ZFYVE28: variants seen among roughly 807,000 people sequenced by gnomAD.
The protein encoded by ZFYVE28 is lateral signaling target protein 2 homolog.
Under a neutral mutation model 82.1 loss-of-function variants are expected in ZFYVE28, and 40 were observed. The ratio of observed to expected loss-of-function variants is 0.49; its 90% CI spans 0.38 to 0.63. The LOEUF is 0.63. Ranked by LOEUF, ZFYVE28 falls within the 30% of genes least tolerant of loss-of-function variation. The pLI is 0.00. For synonymous variants in ZFYVE28, 612 were observed against 546.1 expected, an observed-to-expected ratio of 1.12 and a Z score of -1.68; for missense variants, 1,321 against 1,242.1, an observed-to-expected ratio of 1.06 and a Z score of -0.96.
At chr4:2,377,248 C>A (rs1578313323) in intron 1 of ZFYVE28, among the ~76,000 whole-genome samples, 1 of 152,156 alleles carries the variant, frequency 6.6e-6, no homozygotes, top group Non-Finnish European at 1.5e-5. Context: ...GTCTCGATCT[C>A]CTGACCTTGT....
chr4:2,295,389 T>G (rs1189508606), intron 8 of ZFYVE28, among the ~76,000 whole-genome samples: 2 of 151,998 alleles, frequency 1.3e-5, no homozygotes, highest in African/African-American at 2.4e-5. Flanking sequence ...CAGGCTGGTC[T>G]CAAACTCCTG....
chr4:2,412,209 C>T (rs534094247), intron 1 of ZFYVE28, among the ~76,000 whole-genome samples: 92 of 152,322 alleles, frequency 6.0e-4, no homozygotes, highest in Non-Finnish European at 1.0e-3. Flanking sequence ...CCCACTGAGA[C>T]GCTTTCACTC....
intron 6 of ZFYVE28, among the ~76,000 whole-genome samples, chr4:2,334,399 C>T (rs957087164): frequency 1.3e-5 from 2 of 152,046 alleles, no homozygotes; most frequent in Admixed American, 1.3e-4. Context: ...GGGTTAAGCA[C>T]TTCTGTCCCC....
At position 2,417,540 on chromosome 4, in the gene ZFYVE28, C is replaced by A. The variant is rs967638326; in HGVS notation, c.39+745G>T. On this transcript the variant is annotated intron_variant, in intron 1 of 12. Coordinates refer to ENST00000290974, the MANE Select transcript of ZFYVE28 (RefSeq NM_020972.3). The surrounding 1 kb of genome is among the most constrained non-coding windows in gnomAD (Gnocchi z 4.8). ...CCCGCCCCGCCGAGGCTGCTGGCCA[C>A]GGGCGCGCTCGCCCCAAGGGCCGGG... is the stretch of plus-strand genomic sequence containing the variant. 2.6e-4 allele frequency among the ~76,000 whole-genome samples: 40 copies of A among 151,824 alleles called. No individual in the cohort carries two copies. Among genetic ancestry groups the A allele is most frequent in the Non-Finnish European group, 4.9e-4 (33 of 67,910 alleles).
intron 9 of ZFYVE28, 42 bp from the exon 10 acceptor site, chr4:2,273,331 T>C (rs1736087920): frequency 6.4e-7 from 1 of 1,562,186 alleles, no homozygotes; most frequent in African/African-American, 1.3e-5. Context: ...GAAGGACGGA[T>C]GGAAGGAACT....
chr4:2,364,894 G>C, intron 1 of ZFYVE28: 1 of 985,584 alleles, frequency 1.0e-6, no homozygotes, highest in South Asian at 4.7e-5. Context: ...GACCCCGGAA[G>C]AGGCGGCGCG....
chr4:2,372,541 C>A lies in ZFYVE28; in HGVS notation c.40-18468G>T, dbSNP rs1477811017. On this transcript the variant is annotated intron_variant, in intron 1 of 12. Coordinates refer to ENST00000290974, the MANE Select transcript of ZFYVE28 (RefSeq NM_020972.3). This position sits in a 1 kb window ranked among gnomAD's most constrained non-coding sequence, Gnocchi z 5.2. ...AGCCCCTCCAGCACGGCACCATGCC[C>A]TATCACCCCATCATGTGGGAGGGGT... 6.6e-6 allele frequency among the ~76,000 whole-genome samples: 1 copy of A among 152,026 alleles called. No individual in the cohort carries two copies. Among genetic ancestry groups the A allele is most frequent in the East Asian group, 1.9e-4 (1 of 5,158 alleles).
intron 1 of ZFYVE28, among the ~76,000 whole-genome samples, chr4:2,383,497 T>C (rs944414400): frequency 2.6e-4 from 39 of 152,360 alleles, no homozygotes; most frequent in African/African-American, 8.9e-4. Context: ...GTCTCAGGTA[T>C]GTCTTTATCA....
intron 2 of ZFYVE28, among the ~76,000 whole-genome samples, chr4:2,342,176 T>C (rs1456910250): frequency 1.3e-5 from 2 of 152,234 alleles, no homozygotes; most frequent in Non-Finnish European, 2.9e-5. Flanking sequence ...AGCTGGGGCC[T>C]GCTCCTCCAT....
chr4:2,318,202 C>G (rs1718509274), intron 7 of ZFYVE28, among the ~76,000 whole-genome samples: 2 of 152,222 alleles, frequency 1.3e-5, no homozygotes, highest in South Asian at 4.1e-4. Flanking sequence ...CCTCCAAAGG[C>G]TCCCTTCCCC....
rs946886639 is a variant in ZFYVE28, at chr4:2,362,805, C to T, written c.40-8732G>A. Among the ~76,000 whole-genome samples, 3 of 152,136 alleles carry T rather than the reference C, an allele frequency of 2.0e-5. No homozygotes were observed. The highest frequency in any genetic ancestry group is 7.2e-5 in the African/African-American group (3 of 41,454). ...CCCTTTCTCTGCCCTCCTCTGGGGTCAGGGAGCTGCAGTGGGCACGCTGGG... is the reference window on the plus strand; with the variant it reads ...CCCTTTCTCTGCCCTCCTCTGGGGTTAGGGAGCTGCAGTGGGCACGCTGGG... On this transcript the variant is annotated intron_variant, in intron 1 of 12. Transcript: ENST00000290974. The surrounding 1 kb of genome is among the most constrained non-coding windows in gnomAD (Gnocchi z 5.1).
chr4:2,400,978 C>T (rs1002433784), intron 1 of ZFYVE28, among the ~76,000 whole-genome samples: 1 of 152,210 alleles, frequency 6.6e-6, no homozygotes, highest in Admixed American at 6.5e-5. Context: ...CAACAGGATT[C>T]AGCTATTGAC....
chr4:2,361,015 AG>A (rs1489478025), intron 1 of ZFYVE28, among the ~76,000 whole-genome samples: 1 of 152,224 alleles, frequency 6.6e-6, no homozygotes, highest in African/African-American at 2.4e-5. Context: ...TGATATAAAT[AG>A]GAAGTACTCA....
chr4:2,281,652 T>C (rs912478991), intron 8 of ZFYVE28, among the ~76,000 whole-genome samples: 1 of 152,184 alleles, frequency 6.6e-6, no homozygotes, highest in African/African-American at 2.4e-5. Context: ...GTCCCCCCTC[T>C]CAACGCTGTT....
In ZFYVE28 at chr4:2,362,324, A is replaced by G. The variant is rs1010951518; in HGVS notation, c.40-8251T>C. On this transcript the variant is annotated intron_variant, in intron 1 of 12. Transcript: ENST00000290974. This position sits in a 1 kb window ranked among gnomAD's most constrained non-coding sequence, Gnocchi z 5.1. ...CTCGCTCCAGCACCAGGAATCCAAG[A>G]GCATCGCAAAGAAGCCAGGGAAGAG... is the stretch of plus-strand genomic sequence containing the variant. Among the ~76,000 whole-genome samples the G allele has an allele frequency of 6.6e-6, 1 of 152,100 alleles. No homozygotes were observed. Among genetic ancestry groups the G allele is most frequent in the Non-Finnish European group, 1.5e-5 (1 of 68,004 alleles).
Position 2,304,403 on chromosome 4 carries a change from G to A in ZFYVE28, c.1937C>T (p.Ala646Val), listed in dbSNP as rs772852130. 1.5e-4 allele frequency: 235 copies of A among 1,613,166 alleles called. 1 individual carries two copies. Among genetic ancestry groups the A allele is most frequent in the South Asian group, 6.0e-4 (55 of 91,094 alleles). The change falls in exon 8 of 13, where the codon GCG becomes GTG. Residue 646 changes from alanine (A) to valine (V), a missense_variant. Physicochemically the swap from Ala to Val is moderately conservative, Grantham distance 64. Transcript: ENST00000290974. ...CCCAGCCTCTCCTTGCAGCCCACTCGCTGTGTCCACCTGGGAACCTGAGGT... is the reference window on the plus strand; with the variant it reads ...CCCAGCCTCTCCTTGCAGCCCACTCACTGTGTCCACCTGGGAACCTGAGGT... Reference protein sequence around the residue: ...PHTSGSQVDTASGLQGEAGVA... With the variant: ...PHTSGSQVDTVSGLQGEAGVA...
rs1736078659 is a variant in ZFYVE28 at position 2,273,261 on chromosome 4, A to G, written c.2235T>C (p.Tyr745=). Reference sequence around the variant, plus strand: ...TAAGAATACTTCTCAGGTCACTGGCATAGTTCGTCTGCAGCTGGTCAGCCA... The same window carrying G: ...TAAGAATACTTCTCAGGTCACTGGCGTAGTTCGTCTGCAGCTGGTCAGCCA... ...SGVADQLQTN[Y]ASDLRSILKT... is the part of the protein sequence containing the mutation. The change falls in exon 10 of 13, where the codon TAT becomes TAC. Residue 745 remains tyrosine, a synonymous_variant. Coordinates refer to ENST00000290974, the MANE Select transcript of ZFYVE28 (RefSeq NM_020972.3). 1 of 1,613,276 alleles carries G rather than the reference A, an allele frequency of 6.2e-7. No homozygotes were observed.
At chr4:2,374,185 A>G (rs1287621913) in intron 1 of ZFYVE28, among the ~76,000 whole-genome samples, 2 of 152,222 alleles carry the variant, frequency 1.3e-5, no homozygotes, top group Non-Finnish European at 2.9e-5. Flanking sequence ...GAAAAAGCTC[A>G]GGGGCAGCCA....
intron 1 of ZFYVE28, among the ~76,000 whole-genome samples, chr4:2,364,207 G>A (rs1188443173): frequency 6.6e-6 from 1 of 152,184 alleles, no homozygotes; most frequent in East Asian, 1.9e-4. Context: ...ACCTGGGACA[G>A]CCTGCACATC....
Sources: gnomAD v4.1 joint callset for allele counts (sites outside exome capture counted in the v4.1 genomes callset) on GRCh38, gnomAD v4.1.1 for gene constraint, Gnocchi (gnomAD v3.1) non-coding constraint, MANE v1.5 for transcripts, NCBI Gene and HGNC (gene_info 2026-07-23, HGNC 2026-07-21) for gene names.